Variants in ACKR5 observed in about 807,000 individuals in gnomAD.
ACKR5 encodes the protein G protein-coupled receptor 182.
the ACKR5 span, chr12:56,995,892 T>G: frequency 6.2e-7 from 1 of 1,612,448 alleles, no homozygotes; most frequent in Non-Finnish European, 8.5e-7. The surrounding 1 kb of genome is among the most constrained non-coding windows in gnomAD (Gnocchi z 4.7). Context: ...CTGGGCTTCC[T>G]GCTGCCCTTC....
At chr12:56,994,862 T>G in the ACKR5 span, among the ~76,000 whole-genome samples, 2 of 125,068 alleles carry the variant, frequency 1.6e-5, no homozygotes, top group African/African-American at 3.1e-5. Context: ...AGGAGAGAGG[T>G]GGAGGTTGGA....
At chr12:56,995,248 G>A in the ACKR5 span, 247 of 1,613,800 alleles carry the variant, frequency 1.5e-4, no homozygotes, top group Non-Finnish European at 2.0e-4. The surrounding 1 kb of genome is among the most constrained non-coding windows in gnomAD (Gnocchi z 4.7). Flanking sequence ...GCCCCTCGGA[G>A]GGGGTCACCG....
At chr12:56,995,186 C>A in the ACKR5 span, 2 of 1,591,098 alleles carry the variant, frequency 1.3e-6, no homozygotes, top group Non-Finnish European at 8.6e-7. The surrounding 1 kb of genome is among the most constrained non-coding windows in gnomAD (Gnocchi z 4.7). Context: ...CTCCCTTCAT[C>A]CCAATAGGCG....
chr12:56,995,822 A>G, the ACKR5 span: 71 of 1,613,920 alleles, frequency 4.4e-5, no homozygotes, highest in Non-Finnish European at 5.8e-5. This position sits in a 1 kb window ranked among gnomAD's most constrained non-coding sequence, Gnocchi z 4.7. Context: ...GTGCCTCTTC[A>G]TGGCACCTTT....
chr12:56,995,325 CTT>C, the ACKR5 span: 11 of 1,614,252 alleles, frequency 6.8e-6, no homozygotes, highest in South Asian at 1.1e-5. The surrounding 1 kb of genome is among the most constrained non-coding windows in gnomAD (Gnocchi z 4.7). Context: ...TTCAACCACA[CTT>C]TGTCTGAGTG....
At chr12:56,995,287 C>T in the ACKR5 span, 1 of 1,614,168 alleles carries the variant, frequency 6.2e-7, no homozygotes, top group Non-Finnish European at 8.5e-7. The surrounding 1 kb of genome is among the most constrained non-coding windows in gnomAD (Gnocchi z 4.7). Context: ...TTGGAGAGAT[C>T]CACAACTGGA....
At chr12:56,995,216 G>A in the ACKR5 span, 1 of 1,612,340 alleles carries the variant, frequency 6.2e-7, no homozygotes, top group Non-Finnish European at 8.5e-7. The surrounding 1 kb of genome is among the most constrained non-coding windows in gnomAD (Gnocchi z 4.7). Flanking sequence ...CCCAATGTCA[G>A]TGAAACCCAG....
At chr12:56,995,787 A>G in the ACKR5 span, 4 of 1,614,138 alleles carry the variant, frequency 2.5e-6, no homozygotes, top group East Asian at 8.9e-5. This position sits in a 1 kb window ranked among gnomAD's most constrained non-coding sequence, Gnocchi z 4.7. Context: ...GTCCACATCC[A>G]GCTGGTGGAG....
chr12:56,996,613 A>C, the ACKR5 span: 1 of 550,842 alleles, frequency 1.8e-6, no homozygotes, highest in African/African-American at 1.9e-5. Flanking sequence ...GTGTTGTACT[A>C]TTTGTCTCGG....
At chr12:56,995,341 C>T in the ACKR5 span, 152 of 1,614,084 alleles carry the variant, frequency 9.4e-5, no homozygotes, top group African/African-American at 2.9e-4. The surrounding 1 kb of genome is among the most constrained non-coding windows in gnomAD (Gnocchi z 4.7). Context: ...CTGAGTGCCA[C>T]GTGGAGCTCA....
the ACKR5 span, chr12:56,995,266 T>C: frequency 7.4e-6 from 12 of 1,613,700 alleles, no homozygotes; most frequent in Non-Finnish European, 9.3e-6. The surrounding 1 kb of genome is among the most constrained non-coding windows in gnomAD (Gnocchi z 4.7). Context: ...CCGCAGTGCC[T>C]ACCAGTGACC....
the ACKR5 span, chr12:56,995,552 C>G: frequency 1.2e-6 from 2 of 1,614,032 alleles, no homozygotes; most frequent in Non-Finnish European, 1.7e-6. The surrounding 1 kb of genome is among the most constrained non-coding windows in gnomAD (Gnocchi z 4.7). Context: ...GGAGGTCACG[C>G]TGGACTACAC....
chr12:56,995,338 C>T, the ACKR5 span: 1 of 1,614,232 alleles, frequency 6.2e-7, no homozygotes, highest in Non-Finnish European at 8.5e-7. This position sits in a 1 kb window ranked among gnomAD's most constrained non-coding sequence, Gnocchi z 4.7. Flanking sequence ...TGTCTGAGTG[C>T]CACGTGGAGC....
chr12:56,995,297 A>C, the ACKR5 span: 1 of 1,614,048 alleles, frequency 6.2e-7, no homozygotes, highest in Non-Finnish European at 8.5e-7. The surrounding 1 kb of genome is among the most constrained non-coding windows in gnomAD (Gnocchi z 4.7). Flanking sequence ...CCACAACTGG[A>C]CCGAGCTGCT....
the ACKR5 span, among the ~76,000 whole-genome samples, chr12:56,998,600 C>T: frequency 1.3e-5 from 2 of 152,190 alleles, no homozygotes; most frequent in Admixed American, 6.5e-5. Context: ...TCTGGGCTGA[C>T]GGAGGATCCT....
chr12:56,998,614 A>G, the ACKR5 span, among the ~76,000 whole-genome samples: 4 of 152,230 alleles, frequency 2.6e-5, no homozygotes, highest in African/African-American at 9.6e-5. Context: ...GGATCCTCTC[A>G]GGGATACCCC....
At chr12:56,996,517 C>A in the ACKR5 span, 1 of 1,110,316 alleles carries the variant, frequency 9.0e-7, no homozygotes, top group Non-Finnish European at 1.3e-6. Context: ...AGGGTCAAAG[C>A]ACTCGTGGTC....
the ACKR5 span, chr12:56,996,146 T>C: frequency 6.2e-7 from 1 of 1,614,110 alleles, no homozygotes; most frequent in Non-Finnish European, 8.5e-7. Flanking sequence ...CATGCTGCAC[T>C]GTGTCATCAA....
chr12:56,996,369 A>G, the ACKR5 span: 5 of 1,611,044 alleles, frequency 3.1e-6, no homozygotes, highest in African/African-American at 4.0e-5. Context: ...CAGGCACACC[A>G]TTTGCTTCCA....
Sources: gnomAD v4.1 joint callset for allele counts (sites outside exome capture counted in the v4.1 genomes callset) on GRCh38, gnomAD v4.1.1 for gene constraint, Gnocchi (gnomAD v3.1) non-coding constraint, MANE v1.5 for transcripts, NCBI Gene and HGNC (gene_info 2026-07-23, HGNC 2026-07-21) for gene names.